The following RBBP5 variants were observed in gnomAD, a reference collection of about 807,000 sequenced individuals.
RBBP5 encodes retinoblastoma-binding protein 5.
RBBP5 carries 5 observed loss-of-function variants against 72.2 expected under a neutral mutation model. That is an observed-to-expected ratio of 0.07 (90% CI 0.04 to 0.15). RBBP5 has a LOEUF of 0.15. RBBP5 is among the 10% of genes least tolerant of loss of function. The pLI is 1.00. For missense variants in RBBP5, 322 were observed against 652.2 expected (o/e 0.49, Z 5.51); for synonymous variants, 209 against 237.2 (o/e 0.88, Z 1.09).
chr1:205,120,829 G>A (rs1297169842), intron 1 of RBBP5, among the ~76,000 whole-genome samples: 1 of 151,488 alleles, frequency 6.6e-6, no homozygotes, highest in Non-Finnish European at 1.5e-5. Context: ...CCACAGGTTT[G>A]GGGGGTTTGT....
chr1:205,093,533 T>TACACAC (rs372536310), intron 13 of RBBP5, among the ~76,000 whole-genome samples: 281 of 4,834 alleles, frequency 0.058, 36 homozygotes, highest in South Asian at 0.1. Flanking sequence ...TATATATATA[T>TACACAC]ACACACACAC....
intron 3 of RBBP5, among the ~76,000 whole-genome samples, chr1:205,107,087 T>TATCTAC (rs1553354327): frequency 6.7e-6 from 1 of 149,866 alleles, no homozygotes; most frequent in East Asian, 2.0e-4. Flanking sequence ...TATATATATA[T>TATCTAC]ACACACACAC....
chr1:205,096,754 C>G lies in RBBP5; in HGVS notation c.1324G>C (p.Ala442Pro). ...ASSEKKRQSS[A>P]DGSQPPKKKP... ...TTCTTAGGTGGCTGGGACCCATCTG[C>G]TGAGGACTGCCTCTTCTTCTCTGAA... The change falls in exon 12 of 14, where the codon GCA becomes CCA. Residue 442 changes from alanine to proline, a missense_variant. Ala to Pro is a conservative substitution (Grantham distance 27). Coordinates refer to ENST00000264515, the MANE Select transcript of RBBP5 (RefSeq NM_005057.4). The G allele has an allele frequency of 6.2e-7, 1 of 1,614,168 alleles. No homozygotes were observed. The highest frequency in any genetic ancestry group is 1.1e-5 in the South Asian group (1 of 91,080).
Position 205,088,628 on chromosome 1 carries a change from A to C in RBBP5, c.*159T>G, listed in dbSNP as rs958786325. ...GAAGGTCGTATACTCTTCTTCCATA[A>C]TTCACTTCTTCATTTAAACATAAAA... On this transcript the variant is annotated 3_prime_UTR_variant, in exon 14 of 14. Transcript: ENST00000264515. 8 of 674,174 alleles carry C rather than the reference A, an allele frequency of 1.2e-5. No individual in the cohort carries two copies. The Middle Eastern group carries it at 8.9e-4, about 75-fold the overall frequency. 41.8% of individuals were successfully genotyped at this position (674,174 alleles called of 1,614,324 possible).
Position 205,088,730 on chromosome 1 carries a change from A to C in RBBP5, c.*57T>G. ...AGTCAATTTTCAAATGACTGACCAC[A>C]GTGTCCAGAGGCCACATGATGGCAA... On this transcript the variant is annotated 3_prime_UTR_variant, in exon 14 of 14. Coordinates refer to ENST00000264515, the MANE Select transcript of RBBP5 (RefSeq NM_005057.4). The C allele has an allele frequency of 6.6e-7, 1 of 1,518,158 alleles. No individual in the cohort carries two copies. The highest frequency in any genetic ancestry group is 9.1e-7 in the Non-Finnish European group (1 of 1,103,912). The allele number at this position is 1,518,158 out of a possible 1,614,324, so 94.0% of individuals were successfully genotyped here.
chr1:205,100,095 TGGA>T, intron 7 of RBBP5, 31 bp from the exon 8 acceptor site: 1 of 1,613,596 alleles, frequency 6.2e-7, no homozygotes, highest in Non-Finnish European at 8.5e-7. Context: ...CAAGGAGAGC[TGGA>T]ACTCAAGCCC....
intron 3 of RBBP5, among the ~76,000 whole-genome samples, chr1:205,108,058 C>T (rs761333361): frequency 1.3e-5 from 2 of 151,198 alleles, no homozygotes; most frequent in Non-Finnish European, 2.9e-5. Context: ...TCCTGGTCAA[C>T]ATGGTGAAAC....
At chr1:205,115,230 A>T (rs1018261078) in intron 2 of RBBP5, among the ~76,000 whole-genome samples, 1 of 152,258 alleles carries the variant, frequency 6.6e-6, no homozygotes, top group African/African-American at 2.4e-5. Context: ...GCAAATGGGC[A>T]AAATATAACA....
intron 13 of RBBP5, 92 bp from the exon 14 acceptor site, chr1:205,088,907 T>C: frequency 1.7e-6 from 2 of 1,203,136 alleles, no homozygotes; most frequent in Non-Finnish European, 2.3e-6. Context: ...GATGATGCAT[T>C]ACAAGCACAC....
chr1:205,110,310 G>A (rs547173202), intron 3 of RBBP5, among the ~76,000 whole-genome samples: 9 of 152,058 alleles, frequency 5.9e-5, no homozygotes, highest in South Asian at 2.1e-4. Flanking sequence ...ATGAGCCACC[G>A]TGCCCAGCCA....
At chr1:205,097,475 T>C in intron 10 of RBBP5, 80 bp from the exon 11 acceptor site, 2 of 1,342,360 alleles carry the variant, frequency 1.5e-6, no homozygotes, top group South Asian at 1.3e-5. Context: ...TTTTCATAAG[T>C]TGAAATTCCA....
Position 205,105,020 on chromosome 1 carries a change from A to C in RBBP5, c.359+8T>G. ...CCCCACCCCAGGAGAGAAATAGCTT[A>C]AACATACTGATCTCGTGGATGATAT... On this transcript the variant is annotated splice_region_variant and intron_variant, in intron 4 of 13. Coordinates refer to ENST00000264515, the MANE Select transcript of RBBP5 (RefSeq NM_005057.4). The C allele has an allele frequency of 6.2e-7, 1 of 1,613,772 alleles. No individual in the cohort carries two copies. The highest frequency in any genetic ancestry group is 1.7e-5 in the Admixed American group (1 of 60,018).
chr1:205,108,222 GACAGA>G (rs1656161563), intron 3 of RBBP5, among the ~76,000 whole-genome samples: 1 of 148,792 alleles, frequency 6.7e-6, no homozygotes, highest in South Asian at 2.1e-4. Flanking sequence ...CAGCCTGGGT[GACAGA>G]GCATGAATCC....
At chr1:205,089,778 C>T (rs911055050) in intron 13 of RBBP5, among the ~76,000 whole-genome samples, 1 of 152,172 alleles carries the variant, frequency 6.6e-6, no homozygotes, top group African/African-American at 2.4e-5. Context: ...TAAAAGCTTA[C>T]TTAGCAATGG....
At chr1:205,089,146 C>CA (rs940755959) in intron 13 of RBBP5, among the ~76,000 whole-genome samples, 1 of 152,112 alleles carries the variant, frequency 6.6e-6, no homozygotes, top group African/African-American at 2.4e-5. Context: ...CCAAAAAGTG[C>CA]AATGAGGAGA....
Position 205,115,976 on chromosome 1 carries a change from C to T in RBBP5, c.20-93G>A, listed in dbSNP as rs550185543. 34 of 1,612,138 alleles carry T rather than the reference C, an allele frequency of 2.1e-5. No individual in the cohort carries two copies. The East Asian group carries it at 2.5e-4, about 12-fold the overall frequency. The stretch of plus-strand genomic sequence containing the variant: ...CAGTGTATAGCAGTGGCTGACAAAA[C>T]GAAAAGGGGGATATGATGCCCTTTC... On this transcript the variant is annotated intron_variant, in intron 1 of 13. Transcript: ENST00000264515.
chr1:205,117,798 A>G (rs1390770693), intron 1 of RBBP5, among the ~76,000 whole-genome samples: 10 of 151,584 alleles, frequency 6.6e-5, no homozygotes, highest in Admixed American at 6.6e-4. Flanking sequence ...GTATCTGTAC[A>G]TATATATATA....
In RBBP5 at chr1:205,088,633, C is replaced by G; in HGVS notation, c.*154G>C. The G allele has an allele frequency of 1.4e-6, 1 of 692,158 alleles. No individual in the cohort carries two copies. The allele number at this position is 692,158 out of a possible 1,614,324, so 42.9% of individuals were successfully genotyped here. A position where few individuals can be genotyped will look rare whatever the true frequency, so the allele number is the denominator to read the frequency against. On this transcript the variant is annotated 3_prime_UTR_variant, in exon 14 of 14. Coordinates refer to ENST00000264515, the MANE Select transcript of RBBP5 (RefSeq NM_005057.4). ...TCGTATACTCTTCTTCCATAATTCA[C>G]TTCTTCATTTAAACATAAAATTCAC... is the stretch of plus-strand genomic sequence containing the variant.
At chr1:205,100,335 G>A (rs1332542342) in intron 6 of RBBP5, 64 bp from the exon 7 acceptor site, 22 of 1,560,616 alleles carry the variant, frequency 1.4e-5, no homozygotes, top group African/African-American at 5.5e-5. Flanking sequence ...ACTACAAAAC[G>A]ACTAATAAAC....
Sources: allele counts gnomAD v4.1 joint callset (sites outside exome capture counted in the v4.1 genomes callset), GRCh38; gene constraint gnomAD v4.1.1; transcripts MANE v1.5; gene names NCBI Gene and HGNC (gene_info 2026-07-23, HGNC 2026-07-21).